DENND4A: variants seen among roughly 807,000 people sequenced by gnomAD.
DENND4A encodes the protein DENN domain containing 4A.
A neutral mutation model predicts 199.3 loss-of-function variants in DENND4A; 70 were observed. The ratio of observed to expected loss-of-function variants is 0.35; its 90% CI spans 0.29 to 0.43. The LOEUF (loss-of-function observed/expected upper bound fraction) is 0.43. DENND4A is among the 20% of genes least tolerant of loss of function. DENND4A has a pLI of 1.00. For synonymous variants in DENND4A, 686 were observed against 766.9 expected, an observed-to-expected ratio of 0.89 and a Z score of 1.74; for missense variants, 1,723 against 2,255.8, an observed-to-expected ratio of 0.76 and a Z score of 4.78.
chr15:65,713,700 CTGTG>C (rs2075311040), intron 14 of DENND4A, among the ~76,000 whole-genome samples: 2 of 152,196 alleles, frequency 1.3e-5, no homozygotes, highest in Non-Finnish European at 2.9e-5. Context: ...AAATTGACTT[CTGTG>C]TGTGTATTTT....
At chr15:65,662,841 A>T (rs1265058920) in intron 32 of DENND4A, among the ~76,000 whole-genome samples, 2 of 152,160 alleles carry the variant, frequency 1.3e-5, no homozygotes, top group African/African-American at 4.8e-5. Context: ...GTTGGAGTTG[A>T]GTCAAGTGCA....
chr15:65,689,507 C>T (rs1467514671), intron 23 of DENND4A, among the ~76,000 whole-genome samples: 1 of 152,130 alleles, frequency 6.6e-6, no homozygotes, highest in African/African-American at 2.4e-5. Flanking sequence ...TCACAGATAA[C>T]CTGAGTCAAG....
In DENND4A at chr15:65,670,017, C is replaced by A. The variant is rs1193512628; in HGVS notation, c.4636G>T (p.Gly1546Ter). 2 of 1,592,090 alleles carry A rather than the reference C, an allele frequency of 1.3e-6. No homozygotes were observed. Among genetic ancestry groups the A allele is most frequent in the Non-Finnish European group, 1.7e-6 (2 of 1,167,574 alleles). Residue 1546 changes from glycine (G) to a stop codon, truncating the protein, a stop_gained, in exon 26 of 33, where the codon GGA (glycine) becomes TGA (stop). Coordinates refer to ENST00000443035, the MANE Select transcript of DENND4A (RefSeq NM_001320835.1). LOFTEE classifies it high-confidence loss of function. Reference protein sequence around the residue: ...NIEIRDLRRPGRYFLKSSPST... With the variant: ...NIEIRDLRRP ...GAAGGAAAAAAATATCATTACCTTC[C>A]AGGTCGTCTTAAATCTCTTATTTCT... is the stretch of plus-strand genomic sequence containing the variant.
At chr15:65,726,406 ATTACT>A (rs1045075390) in intron 11 of DENND4A, among the ~76,000 whole-genome samples, 1 of 152,254 alleles carries the variant, frequency 6.6e-6, no homozygotes, top group Non-Finnish European at 1.5e-5. Context: ...GAAAAGTTGT[ATTACT>A]TTAATGTTTA....
intron 24 of DENND4A, among the ~76,000 whole-genome samples, chr15:65,672,780 T>C (rs2076255326): frequency 2.6e-5 from 4 of 152,206 alleles, no homozygotes; most frequent in Admixed American, 2.6e-4. Context: ...TGATTGTATC[T>C]TGTCAGTAAA....
chr15:65,759,160 C>CT (rs1397233823), intron 2 of DENND4A, among the ~76,000 whole-genome samples: 25 of 152,124 alleles, frequency 1.6e-4, no homozygotes, highest in Admixed American at 1.6e-3. Context: ...CAAATATACT[C>CT]TAAGTATTCC....
At position 65,660,083 on chromosome 15, in the gene DENND4A, C is replaced by T; in HGVS notation, c.*1768G>A. Reference sequence around the variant, plus strand: ...CTGAAATGTTTCTCTCAGTTGACAACTTTCAAATGATTTAAAGAACATGAA... The same window carrying T: ...CTGAAATGTTTCTCTCAGTTGACAATTTTCAAATGATTTAAAGAACATGAA... On this transcript the variant is annotated 3_prime_UTR_variant, in exon 33 of 33. Coordinates refer to ENST00000443035, the MANE Select transcript of DENND4A (RefSeq NM_001320835.1). 2.0e-6 allele frequency: 1 copy of T among 494,630 alleles called. No individual in the cohort carries two copies. The highest frequency in any genetic ancestry group is 3.2e-5 in the East Asian group (1 of 31,186). 30.6% of individuals were successfully genotyped at this position (494,630 alleles called of 1,614,324 possible).
At position 65,670,410 on chromosome 15, in the gene DENND4A, T is replaced by C. The variant is rs2076180927; in HGVS notation, c.4465-222A>G. ...AGGGAAACTTGCTTTTAAGTGAGGA[T>C]TTTTTTCATTATAAATCAGAGTAAA... On this transcript the variant is annotated intron_variant, in intron 25 of 32. Coordinates refer to ENST00000443035, the MANE Select transcript of DENND4A (RefSeq NM_001320835.1). Among the ~76,000 whole-genome samples the C allele has an allele frequency of 2.0e-5, 3 of 152,170 alleles. No homozygotes were observed. In the South Asian group the frequency reaches 6.2e-4, roughly 32 times the overall value.
At position 65,664,626 on chromosome 15, in the gene DENND4A, T is replaced by C. The variant is rs1420875787; in HGVS notation, c.5456A>G (p.Asp1819Gly). ...AATCTGACTCATTGGTCCATAGACA[T>C]CATTCATTTTAATGCTTTTTACCAT... ...KSMVKSIKMNDVYGPMSQILE... is the reference protein window; with the variant it reads ...KSMVKSIKMNGVYGPMSQILE... Residue 1819 changes from aspartate to glycine, a missense_variant, in exon 31 of 33, where the codon GAT (aspartate) becomes GGT (glycine). By Grantham distance (94) the Asp-to-Gly change is moderately conservative. Coordinates refer to ENST00000443035, the MANE Select transcript of DENND4A (RefSeq NM_001320835.1). 6.2e-7 allele frequency: 1 copy of C among 1,612,962 alleles called. No homozygotes were observed. Among genetic ancestry groups the C allele is most frequent in the Admixed American group, 1.7e-5 (1 of 60,004 alleles).
At chr15:65,688,772 C>G (rs1393345526) in intron 23 of DENND4A, among the ~76,000 whole-genome samples, 1 of 152,162 alleles carries the variant, frequency 6.6e-6, no homozygotes, top group African/African-American at 2.4e-5. Flanking sequence ...GCCCTTGGGG[C>G]AAAGATGCAT....
chr15:65,684,965 C>T, intron 23 of DENND4A, among the ~76,000 whole-genome samples: 1 of 151,894 alleles, frequency 6.6e-6, no homozygotes, highest in South Asian at 2.1e-4. Flanking sequence ...GCTGGGATTA[C>T]AGGCATGCAC....
At chr15:65,694,476 T>C (rs560945024) in intron 22 of DENND4A, among the ~76,000 whole-genome samples, 1 of 150,096 alleles carries the variant, frequency 6.7e-6, no homozygotes, top group African/African-American at 2.4e-5. Flanking sequence ...CAAGATAGGG[T>C]GATGATTTTA....
intron 25 of DENND4A, among the ~76,000 whole-genome samples, chr15:65,671,229 T>C (rs2076205278): frequency 6.6e-6 from 1 of 152,226 alleles, no homozygotes; most frequent in Admixed American, 6.5e-5. Flanking sequence ...AAAATGCTTT[T>C]GTAGGTTGAT....
At chr15:65,700,990 A>T in intron 19 of DENND4A, 61 bp downstream of exon 19, 1 of 1,512,828 alleles carries the variant, frequency 6.6e-7, no homozygotes, top group South Asian at 1.3e-5. Context: ...AATTTCTAAA[A>T]ATGTAAACTG....
chr15:65,729,294 A>G, intron 10 of DENND4A, 47 bp from the exon 11 acceptor site: 1 of 1,536,720 alleles, frequency 6.5e-7, no homozygotes, highest in Non-Finnish European at 8.8e-7. Flanking sequence ...TTAACACTGA[A>G]GCATAATTTA....
rs559253427 is a variant in DENND4A, at chr15:65,691,249, G to A, written c.3345C>T (p.Ile1115=). 11 of 1,613,090 alleles carry A rather than the reference G, an allele frequency of 6.8e-6. No homozygotes were observed. The African/African-American group carries it at 9.3e-5, about 14-fold the overall frequency. The change falls in exon 23 of 33, where the codon ATC becomes ATT. Residue 1115 remains isoleucine (I), a synonymous_variant. Transcript: ENST00000443035. The stretch of plus-strand genomic sequence containing the variant: ...GAGTATTTGGTCTCGTGCTTTTTGA[G>A]ATAACATTTGAAAGAATTTTTGCAT... ...GADAKILSNV[I]SKSTRPNTLD... is the part of the protein sequence containing the mutation.
intron 7 of DENND4A, among the ~76,000 whole-genome samples, chr15:65,736,406 C>T (rs1450638707): frequency 4.0e-5 from 6 of 151,458 alleles, no homozygotes; most frequent in Admixed American, 3.3e-4. Context: ...ATTACAGGTG[C>T]CCACAACCAC....
chr15:65,781,429 G>C (rs1242514506), intron 1 of DENND4A, among the ~76,000 whole-genome samples: 3 of 152,192 alleles, frequency 2.0e-5, no homozygotes, highest in African/African-American at 7.2e-5. Context: ...CTACGAAAAA[G>C]TAAGGAAATA....
Position 65,701,723 on chromosome 15 carries a change from A to C in DENND4A, c.2559+39T>G, listed in dbSNP as rs761862033. On this transcript the variant is annotated intron_variant, in intron 18 of 32. Transcript: ENST00000443035. The stretch of plus-strand genomic sequence containing the variant: ...TCTGCCATTAATGTTGCATAATGAC[A>C]AAAGTAATACTCTTTATCCATTAAA... 29 of 1,587,550 alleles carry C rather than the reference A, an allele frequency of 1.8e-5. No individual in the cohort carries two copies. In the South Asian group the frequency reaches 3.1e-4, roughly 17 times the overall value.
Sources: gnomAD v4.1 joint callset for allele counts (sites outside exome capture counted in the v4.1 genomes callset) on GRCh38, gnomAD v4.1.1 for gene constraint, MANE v1.5 for transcripts, NCBI Gene and HGNC (gene_info 2026-07-23, HGNC 2026-07-21) for gene names.